Variants in CYP2C19 observed in about 807,000 individuals in gnomAD.
CYP2C19 encodes the protein cytochrome P450 family 2 subfamily C member 19.
A neutral mutation model predicts 40.9 loss-of-function variants in CYP2C19; 59 were observed. The observed-to-expected ratio is 1.44, with a 90% confidence interval of 1.17 to 1.79. The LOEUF (loss-of-function observed/expected upper bound fraction) is 1.79, where lower values mean the gene tolerates loss of function less well. CYP2C19 is among the 40% of genes most tolerant of loss of function. The pLI, the probability that CYP2C19 is intolerant of heterozygous loss-of-function variation, is 0.00. For missense variants in CYP2C19, 754 were observed against 596.9 expected (o/e 1.26, Z -2.74); for synonymous variants, 253 against 208.7 (o/e 1.21, Z -1.83).
At chr10:94,796,377 A>G (rs1848688075) in intron 5 of CYP2C19, among the ~76,000 whole-genome samples, 1 of 152,144 alleles carries the variant, frequency 6.6e-6, no homozygotes, top group Non-Finnish European at 1.5e-5. Context: ...TACAAGTACC[A>G]TGCTGTTTTG....
intron 6 of CYP2C19, among the ~76,000 whole-genome samples, chr10:94,833,541 C>T (rs1849360899): frequency 6.6e-6 from 1 of 151,980 alleles, no homozygotes; most frequent in Admixed American, 6.6e-5. Flanking sequence ...TGCTGGTGCG[C>T]TGCACCCAAA....
intron 5 of CYP2C19, among the ~76,000 whole-genome samples, chr10:94,784,074 T>C (rs144067211): frequency 1.3e-5 from 2 of 152,236 alleles, no homozygotes; most frequent in Non-Finnish European, 2.9e-5. Flanking sequence ...ATTCCCCCAC[T>C]CCATCATGTA....
chr10:94,815,410 T>C (rs1031965315), intron 5 of CYP2C19, among the ~76,000 whole-genome samples: 7 of 152,250 alleles, frequency 4.6e-5, no homozygotes, highest in Non-Finnish European at 1.0e-4. Context: ...TTTTTGTATA[T>C]TGATGATCTC....
intron 5 of CYP2C19, among the ~76,000 whole-genome samples, chr10:94,794,409 T>A (rs534540572): frequency 6.6e-6 from 1 of 152,160 alleles, no homozygotes. Context: ...CAGTTGGAAA[T>A]GCAGAAATCA....
At chr10:94,791,929 T>G (rs1288478988) in intron 5 of CYP2C19, among the ~76,000 whole-genome samples, 1 of 152,106 alleles carries the variant, frequency 6.6e-6, no homozygotes, top group Non-Finnish European at 1.5e-5. Flanking sequence ...CTTATTAACT[T>G]TCTGTCTCGA....
At chr10:94,783,579 C>G (rs1419969911) in intron 5 of CYP2C19, among the ~76,000 whole-genome samples, 5 of 152,054 alleles carry the variant, frequency 3.3e-5, no homozygotes, top group Non-Finnish European at 5.9e-5. Flanking sequence ...ACAACCTTGT[C>G]AAAACCCAAT....
At chr10:94,830,624 C>G (rs1190836912) in intron 6 of CYP2C19, among the ~76,000 whole-genome samples, 5 of 152,224 alleles carry the variant, frequency 3.3e-5, no homozygotes, top group Non-Finnish European at 7.3e-5. Flanking sequence ...TTCTGCGTCA[C>G]TCATGCTGGG....
In CYP2C19 at chr10:94,854,266, ACCT is replaced by A. The variant is rs1405393499; in HGVS notation, c.*1354_*1356del. Among the ~76,000 whole-genome samples the A allele has an allele frequency of 1.3e-5, 2 of 151,496 alleles. No individual in the cohort carries two copies. Among genetic ancestry groups the A allele is most frequent in the African/African-American group, 4.9e-5 (2 of 41,214 alleles). On this transcript the variant is annotated 3_prime_UTR_variant, in exon 9 of 9. Coordinates refer to ENST00000371321, the MANE Select transcript of CYP2C19 (RefSeq NM_000769.4). ...ACTCCTGACCTCAAGTGATCCACCCACCTCAGCCTCCCAAACTGCTGGGCTTAC... is the reference window on the plus strand; with the variant it reads ...ACTCCTGACCTCAAGTGATCCACCCACAGCCTCCCAAACTGCTGGGCTTAC...
At chr10:94,777,562 T>C (rs1848425165) in intron 3 of CYP2C19, among the ~76,000 whole-genome samples, 2 of 152,228 alleles carry the variant, frequency 1.3e-5, no homozygotes, top group Admixed American at 1.3e-4. Flanking sequence ...AAAGATTCCC[T>C]ATTTAATAAA....
At chr10:94,770,825 T>C (rs1848319180) in intron 1 of CYP2C19, among the ~76,000 whole-genome samples, 1 of 152,134 alleles carries the variant, frequency 6.6e-6, no homozygotes, top group African/African-American at 2.4e-5. Context: ...TGTTTATGAC[T>C]ACAGTCCCCA....
chr10:94,764,233 C>G lies in CYP2C19; in HGVS notation c.168+1360C>G, dbSNP rs142892493. ...GGCTCAGGTGGGCAGCTTTTATTCC[C>G]TTATTTGGCCCCACCCATGTCCTGC... On this transcript the variant is annotated intron_variant, in intron 1 of 8. Coordinates refer to ENST00000371321, the MANE Select transcript of CYP2C19 (RefSeq NM_000769.4). 3.1e-3 allele frequency among the ~76,000 whole-genome samples: 471 copies of G among 152,260 alleles called. 3 individuals carry two copies. The highest frequency in any genetic ancestry group is 0.011 in the African/African-American group (448 of 41,562).
intron 6 of CYP2C19, among the ~76,000 whole-genome samples, chr10:94,835,236 A>C (rs920993609): frequency 1.3e-5 from 2 of 152,172 alleles, no homozygotes; most frequent in African/African-American, 2.4e-5. Flanking sequence ...GGCCCTGACT[A>C]TCTGCTTGAT....
At chr10:94,839,182 G>A (rs981375085) in intron 6 of CYP2C19, among the ~76,000 whole-genome samples, 26 of 152,128 alleles carry the variant, frequency 1.7e-4, no homozygotes, top group African/African-American at 5.3e-4. Context: ...TACACTCACC[G>A]ATGTAGCAGT....
intron 1 of CYP2C19, among the ~76,000 whole-genome samples, chr10:94,768,561 G>A (rs1848280924): frequency 6.6e-6 from 1 of 152,146 alleles, no homozygotes; most frequent in East Asian, 1.9e-4. Flanking sequence ...GCAGTTGTCT[G>A]ATAACCATAA....
At chr10:94,827,369 C>A (rs1248114251) in intron 6 of CYP2C19, among the ~76,000 whole-genome samples, 1 of 151,868 alleles carries the variant, frequency 6.6e-6, no homozygotes, top group Non-Finnish European at 1.5e-5. Context: ...AGAGATTCAA[C>A]TTCTTCCTGG....
At chr10:94,782,615 T>C (rs944379886) in intron 5 of CYP2C19, among the ~76,000 whole-genome samples, 5 of 152,196 alleles carry the variant, frequency 3.3e-5, no homozygotes, top group Admixed American at 6.5e-5. Flanking sequence ...ACTGGATATA[T>C]ATCCAAAGGA....
intron 5 of CYP2C19, among the ~76,000 whole-genome samples, chr10:94,793,712 C>T (rs1848641971): frequency 6.6e-6 from 1 of 152,036 alleles, no homozygotes; most frequent in African/African-American, 2.4e-5. Context: ...CCTGATCCTT[C>T]CTCTGGAAGC....
intron 5 of CYP2C19, among the ~76,000 whole-genome samples, chr10:94,812,476 C>G (rs1488434892): frequency 6.6e-6 from 1 of 152,086 alleles, no homozygotes; most frequent in Admixed American, 6.5e-5. Flanking sequence ...TGTTTTACAA[C>G]TTGGTTCCAT....
chr10:94,765,111 A>G (rs1047076540), intron 1 of CYP2C19, among the ~76,000 whole-genome samples: 1 of 152,122 alleles, frequency 6.6e-6, no homozygotes, highest in African/African-American at 2.4e-5. Context: ...AGATTTTGTT[A>G]TTTCTTGTAA....
Sources: allele counts gnomAD v4.1 joint callset (sites outside exome capture counted in the v4.1 genomes callset), GRCh38; gene constraint gnomAD v4.1.1; transcripts MANE v1.5; gene names NCBI Gene and HGNC (gene_info 2026-07-23, HGNC 2026-07-21).